NEDD4L: variants seen among roughly 807,000 people sequenced by gnomAD.
NEDD4L encodes the protein E3 ubiquitin-protein ligase NEDD4-like.
In NEDD4L, 54 loss-of-function variants were observed where a neutral mutation model predicts 148.9. The ratio of observed to expected loss-of-function variants is 0.36; its 90% CI spans 0.29 to 0.45. The LOEUF (loss-of-function observed/expected upper bound fraction) is 0.45, where lower values mean the gene tolerates loss of function less well. Among genes scored for constraint, NEDD4L ranks in the 20% least tolerant of loss-of-function variants. The probability of loss-of-function intolerance (pLI) is 1.00; values close to 1 mark genes in which losing one functional copy is unlikely to be tolerated. For synonymous variants in NEDD4L, 433 were observed against 440.7 expected, an observed-to-expected ratio of 0.98 and a Z score of 0.22; for missense variants, 856 against 1,233.8, an observed-to-expected ratio of 0.69 and a Z score of 4.59.
chr18:58,323,214 C>G lies in NEDD4L; in HGVS notation c.411-18C>G, dbSNP rs373989579. The G allele has an allele frequency of 5.4e-6, 8 of 1,491,534 alleles. No homozygotes were observed. Among genetic ancestry groups the G allele is most frequent in the Non-Finnish European group, 7.4e-6 (8 of 1,077,390 alleles). 92.4% of individuals were successfully genotyped at this position (1,491,534 alleles called of 1,614,324 possible). ...AGTCACAACCCTTCTAACCAATTTT[C>G]TTCCATTATGTGTGCAGTCATAAGT... On this transcript the variant is annotated intron_variant, in intron 7 of 30. Transcript: ENST00000400345.
intron 26 of NEDD4L, among the ~76,000 whole-genome samples, chr18:58,387,075 G>T (rs72944835): frequency 6.6e-6 from 1 of 152,126 alleles, no homozygotes; most frequent in Non-Finnish European, 1.5e-5. Context: ...CCTGCCTCCA[G>T]CACGTTATTT....
chr18:58,110,305 A>T (rs1311936239), intron 1 of NEDD4L, among the ~76,000 whole-genome samples: 1 of 152,222 alleles, frequency 6.6e-6, no homozygotes, highest in Non-Finnish European at 1.5e-5. Flanking sequence ...GCTCCTCTTT[A>T]AAGACTTGGC....
In NEDD4L at chr18:58,389,080, C is replaced by A. The variant is rs373456688; in HGVS notation, c.2548-5C>A. The A allele has an allele frequency of 9.9e-6, 16 of 1,612,478 alleles. No homozygotes were observed. The highest frequency in any genetic ancestry group is 1.3e-5 in the Non-Finnish European group (15 of 1,178,676). Reference sequence around the variant, plus strand: ...GCTTTTACATCTGGTAAATTTTCTTCCTAGTTGCTCATGTGCGGCCTCGGT... The same window carrying A: ...GCTTTTACATCTGGTAAATTTTCTTACTAGTTGCTCATGTGCGGCCTCGGT... On this transcript the variant is annotated splice_polypyrimidine_tract_variant and splice_region_variant and intron_variant, in intron 27 of 30. Transcript: ENST00000400345.
chr18:58,212,689 T>C (rs2147754336), intron 2 of NEDD4L, among the ~76,000 whole-genome samples: 1 of 152,340 alleles, frequency 6.6e-6, no homozygotes, highest in Middle Eastern at 3.4e-3. Context: ...CAGGCTGGTC[T>C]AGAACTCCTG....
At chr18:58,354,495 A>G (rs1024835421) in intron 18 of NEDD4L, among the ~76,000 whole-genome samples, 15 of 152,186 alleles carry the variant, frequency 9.9e-5, no homozygotes, top group African/African-American at 3.6e-4. Flanking sequence ...TACATTGACC[A>G]TACTTCACTG....
intron 1 of NEDD4L, among the ~76,000 whole-genome samples, chr18:58,087,981 G>C (rs923019880): frequency 6.6e-6 from 1 of 152,228 alleles, no homozygotes; most frequent in Non-Finnish European, 1.5e-5. Flanking sequence ...AGGGTTTCCT[G>C]AGGCTGCAGT....
intron 1 of NEDD4L, among the ~76,000 whole-genome samples, chr18:58,125,927 C>G (rs1256049386): frequency 6.6e-6 from 1 of 152,258 alleles, no homozygotes; most frequent in African/African-American, 2.4e-5. Flanking sequence ...ATGGACAGGG[C>G]AGGTCCCGCC....
At chr18:58,287,453 G>A (rs1227480244) in intron 5 of NEDD4L, among the ~76,000 whole-genome samples, 1 of 152,180 alleles carries the variant, frequency 6.6e-6, no homozygotes, top group Non-Finnish European at 1.5e-5. Flanking sequence ...TATGATGGGT[G>A]CCTTAGAGAC....
rs1479367723 is a variant in NEDD4L, at chr18:58,256,089, C to A, written c.297+4035C>A. ...TCCCGGGAGCCCTCGCCGAGGGACA[C>A]CCCCGGGAGCTCCCCTCCGAGGGCA... On this transcript the variant is annotated intron_variant, in intron 5 of 30. Transcript: ENST00000400345. This position sits in a 1 kb window ranked among gnomAD's most constrained non-coding sequence, Gnocchi z 5.2. 9.8e-6 allele frequency: 12 copies of A among 1,227,786 alleles called. No individual in the cohort carries two copies. In the South Asian group the frequency reaches 2.9e-4, roughly 29 times the overall value. The allele number at this position is 1,227,786 out of a possible 1,614,324, so 76.1% of individuals were successfully genotyped here.
At chr18:58,370,368 AACTAAAC>A in intron 22 of NEDD4L, 22 bp from the exon 23 acceptor site, 1 of 1,448,854 alleles carries the variant, frequency 6.9e-7, no homozygotes. Context: ...AAAGACCTGA[AACTAAAC>A]CCAGTGTTTA....
chr18:58,399,073 A>G lies in NEDD4L; in HGVS notation c.*2804A>G, dbSNP rs577574007. 1 of 152,216 alleles carries G rather than the reference A, an allele frequency of 6.6e-6. No homozygotes were observed. The highest frequency in any genetic ancestry group is 1.5e-5 in the Non-Finnish European group (1 of 68,090). 9.4% of individuals were successfully genotyped at this position (152,216 alleles called of 1,614,324 possible). A position where few individuals can be genotyped will look rare whatever the true frequency, so the allele number is the denominator to read the frequency against. On this transcript the variant is annotated 3_prime_UTR_variant, in exon 31 of 31. Transcript: ENST00000400345. The stretch of plus-strand genomic sequence containing the variant: ...GAGAAGTACGTGCCGGAGCTCACAC[A>G]CTGCCTGTTGCGGTTCTCTTAACAT...
chr18:58,109,241 T>C (rs1415170569), intron 1 of NEDD4L, among the ~76,000 whole-genome samples: 2 of 152,130 alleles, frequency 1.3e-5, no homozygotes, highest in Non-Finnish European at 2.9e-5. Context: ...ACAATTCAGG[T>C]GTGTTCAGGT....
rs530961525 is a variant in NEDD4L, at chr18:58,202,936, G to A, written c.122+37075G>A. Among the ~76,000 whole-genome samples the A allele has an allele frequency of 5.3e-5, 8 of 152,006 alleles. No homozygotes were observed. In the East Asian group the frequency reaches 1.5e-3, roughly 29 times the overall value. On this transcript the variant is annotated intron_variant, in intron 2 of 30. Transcript: ENST00000400345. ...TGTGTCCATGTGTGCACATCTACCTGTGTTAATAACTGATAATATTGGGCC... is the reference window on the plus strand; with the variant it reads ...TGTGTCCATGTGTGCACATCTACCTATGTTAATAACTGATAATATTGGGCC...
chr18:58,278,233 G>T (rs571334425), intron 5 of NEDD4L, among the ~76,000 whole-genome samples: 2 of 152,342 alleles, frequency 1.3e-5, no homozygotes, highest in South Asian at 4.1e-4. Context: ...AACAGTGTAT[G>T]ATGTGGTCTG....
At chr18:58,203,798 G>C (rs1184304798) in intron 2 of NEDD4L, among the ~76,000 whole-genome samples, 1 of 151,920 alleles carries the variant, frequency 6.6e-6, no homozygotes, top group Admixed American at 6.6e-5. Flanking sequence ...GAGAAGACTA[G>C]TGAATCAGAC....
intron 1 of NEDD4L, chr18:58,046,673 G>A (rs901690871): frequency 1.3e-5 from 2 of 152,184 alleles, no homozygotes; most frequent in Non-Finnish European, 2.9e-5. Context: ...TAGTGTGAAA[G>A]TGAAGCTTGG....
chr18:58,165,047 G>C (rs528614875), intron 1 of NEDD4L, among the ~76,000 whole-genome samples: 5 of 152,110 alleles, frequency 3.3e-5, no homozygotes, highest in Admixed American at 2.6e-4. Context: ...CCTAAATGTC[G>C]TAGCCCTTAT....
At chr18:58,142,250 G>T (rs763897919) in intron 1 of NEDD4L, among the ~76,000 whole-genome samples, 22 of 151,292 alleles carry the variant, frequency 1.5e-4, no homozygotes, top group Non-Finnish European at 2.8e-4. Flanking sequence ...GGATTTCACT[G>T]TGTTAGCCCG....
Position 58,341,745 on chromosome 18 carries a change from G to A in NEDD4L, c.1325G>A (p.Arg442His), listed in dbSNP as rs34792654. 1.0e-4 allele frequency: 164 copies of A among 1,613,690 alleles called. 3 individuals carry two copies. Among genetic ancestry groups the A allele is most frequent in the South Asian group, 6.5e-4 (59 of 91,004 alleles). The change falls in exon 15 of 31, where the codon CGC (arginine) becomes CAC (histidine). Residue 442 changes from arginine to histidine, a missense_variant. By Grantham distance (29) the Arg-to-His change is conservative (BLOSUM62 0). Around this residue, in one of 4 missense-constraint regions of NEDD4L, gnomAD observed 367 missense variants for 422.7 expected, o/e 0.87. Coordinates refer to ENST00000400345, the MANE Select transcript of NEDD4L (RefSeq NM_001144967.3). ...AACCATCTAATCGAGCCTCAGATCC[G>A]CCGGCCTCGTAGCCTCAGCTCGCCA... is the stretch of plus-strand genomic sequence containing the variant. ...SNNHLIEPQI[R>H]RPRSLSSPTV...
Sources: gnomAD v4.1 joint callset for allele counts (sites outside exome capture counted in the v4.1 genomes callset) on GRCh38, gnomAD v4.1.1 for gene constraint, gnomAD v4.1.1 regional missense constraint, Gnocchi (gnomAD v3.1) non-coding constraint, MANE v1.5 for transcripts, NCBI Gene and HGNC (gene_info 2026-07-23, HGNC 2026-07-21) for gene names.